GPATCH2: variants seen among roughly 807,000 people sequenced by gnomAD.
GPATCH2 encodes the protein G patch domain-containing protein 2.
A neutral mutation model predicts 58.0 loss-of-function variants in GPATCH2; 51 were observed. The ratio of observed to expected loss-of-function variants is 0.88; its 90% CI spans 0.70 to 1.11. The LOEUF is 1.11. Ranked by LOEUF, GPATCH2 falls within the 50% of genes most tolerant of loss-of-function variation. The pLI is 0.00. For missense variants in GPATCH2, 625 were observed against 652.2 expected (o/e 0.96, Z 0.45); for synonymous variants, 222 against 218.5 (o/e 1.02, Z -0.14).
At position 217,631,060 on chromosome 1, in the gene GPATCH2, A is replaced by G. The variant is rs1669739620; in HGVS notation, c.-89T>C. On this transcript the variant is annotated 5_prime_UTR_variant, in exon 1 of 10. Coordinates refer to ENST00000366935, the MANE Select transcript of GPATCH2 (RefSeq NM_018040.5). ...ACCGGCGACTTCCAAAGAGCAGTTC[A>G]GCATTTTGAGATGAGCTTCCGGAAG... 7.8e-7 allele frequency: 1 copy of G among 1,280,512 alleles called. No individual in the cohort carries two copies. Among genetic ancestry groups the G allele is most frequent in the Non-Finnish European group, 1.1e-6 (1 of 922,760 alleles). 79.3% of individuals were successfully genotyped at this position (1,280,512 alleles called of 1,614,324 possible).
chr1:217,431,723 T>C (rs77266783), intron 9 of GPATCH2, among the ~76,000 whole-genome samples: 76 of 152,328 alleles, frequency 5.0e-4, no homozygotes, highest in Non-Finnish European at 6.8e-4. Flanking sequence ...CATAAAGTAC[T>C]CTACTAATGG....
intron 5 of GPATCH2, among the ~76,000 whole-genome samples, chr1:217,565,750 C>T (rs1329843363): frequency 4.0e-5 from 5 of 124,550 alleles, no homozygotes; most frequent in Non-Finnish European, 5.6e-5. Flanking sequence ...ATAAATAAAA[C>T]GTATATAAAA....
rs1658385740 is a variant in GPATCH2, at chr1:217,427,713, G to C, written c.*3432C>G. On this transcript the variant is annotated 3_prime_UTR_variant, in exon 10 of 10. Transcript: ENST00000366935. ...AACAGTTTTAAAAAGCATGTCAACA[G>C]TGATTTTTTCTCTTTTCGGAAATAT... The C allele has an allele frequency of 6.6e-6, 1 of 152,148 alleles. No homozygotes were observed. The highest frequency in any genetic ancestry group is 1.5e-5 in the Non-Finnish European group (1 of 67,996). 9.4% of individuals were successfully genotyped at this position (152,148 alleles called of 1,614,324 possible).
At chr1:217,558,939 T>C (rs953814216) in intron 5 of GPATCH2, among the ~76,000 whole-genome samples, 8 of 152,152 alleles carry the variant, frequency 5.3e-5, no homozygotes, top group African/African-American at 1.9e-4. Flanking sequence ...GGGTCTACCA[T>C]ACTCACTAAT....
rs551210999 is a variant in GPATCH2 at position 217,534,041 on chromosome 1, C to T, written c.1099-19152G>A. Among the ~76,000 whole-genome samples, 11 of 152,066 alleles carry T rather than the reference C, an allele frequency of 7.2e-5. No individual in the cohort carries two copies. The South Asian group carries it at 2.3e-3, about 32-fold the overall frequency. On this transcript the variant is annotated intron_variant, in intron 5 of 9. Coordinates refer to ENST00000366935, the MANE Select transcript of GPATCH2 (RefSeq NM_018040.5). The stretch of plus-strand genomic sequence containing the variant: ...GACTAGCCTGGCCAACATGATGAAA[C>T]CCCACCTCTACTAAAAATACAAAAA...
intron 5 of GPATCH2, among the ~76,000 whole-genome samples, chr1:217,522,831 TACACAC>T (rs140850986): frequency 1.3e-5 from 2 of 149,332 alleles, no homozygotes; most frequent in Admixed American, 6.7e-5. Flanking sequence ...ACTTGTTCAA[TACACAC>T]ACACACACAC....
chr1:217,464,895 T>C (rs576927039), intron 8 of GPATCH2, among the ~76,000 whole-genome samples: 62 of 152,188 alleles, frequency 4.1e-4, no homozygotes, highest in Non-Finnish European at 1.5e-4. Context: ...AATAAGGTCC[T>C]TAGAGACCGT....
intron 5 of GPATCH2, among the ~76,000 whole-genome samples, chr1:217,605,711 G>A (rs1396349043): frequency 6.6e-6 from 1 of 152,142 alleles, no homozygotes; most frequent in African/African-American, 2.4e-5. Context: ...AAAAAGCTCT[G>A]ACCTACAAAA....
chr1:217,484,163 G>C (rs1661341021), intron 8 of GPATCH2, among the ~76,000 whole-genome samples: 1 of 152,104 alleles, frequency 6.6e-6, no homozygotes, highest in Non-Finnish European at 1.5e-5. Context: ...TTCCAGATGA[G>C]ATTAACATTT....
At chr1:217,448,421 T>C (rs1571716587) in intron 9 of GPATCH2, among the ~76,000 whole-genome samples, 2 of 152,108 alleles carry the variant, frequency 1.3e-5, no homozygotes, top group South Asian at 4.2e-4. Flanking sequence ...CACAAATCCA[T>C]TATGGCTAAC....
chr1:217,498,346 T>A lies in GPATCH2; in HGVS notation c.1206+10A>T. ...TGAGTAACTTCCTTTTGGATTACAA[T>A]GGTCCTTACCTGGTCATGCTCTGTC... On this transcript the variant is annotated intron_variant, in intron 7 of 9. Coordinates refer to ENST00000366935, the MANE Select transcript of GPATCH2 (RefSeq NM_018040.5). 6.2e-7 allele frequency: 1 copy of A among 1,605,340 alleles called. No individual in the cohort carries two copies. Among genetic ancestry groups the A allele is most frequent in the Non-Finnish European group, 8.5e-7 (1 of 1,171,944 alleles).
chr1:217,441,230 A>T (rs1659121884), intron 9 of GPATCH2, among the ~76,000 whole-genome samples: 1 of 152,190 alleles, frequency 6.6e-6, no homozygotes, highest in Non-Finnish European at 1.5e-5. Flanking sequence ...ATCTTTGACA[A>T]ACCTGAGAAA....
intron 5 of GPATCH2, among the ~76,000 whole-genome samples, chr1:217,565,088 T>C (rs1161008530): frequency 6.6e-6 from 1 of 152,168 alleles, no homozygotes; most frequent in East Asian, 1.9e-4. Flanking sequence ...CATTCAACTC[T>C]AAAAGGTAAT....
intron 3 of GPATCH2, among the ~76,000 whole-genome samples, chr1:217,612,205 AAG>A (rs1291745077): frequency 1.3e-5 from 2 of 151,968 alleles, no homozygotes; most frequent in Non-Finnish European, 2.9e-5. Context: ...GAGAAAAGAA[AAG>A]AAAAACAGAA....
intron 5 of GPATCH2, among the ~76,000 whole-genome samples, chr1:217,572,176 A>G (rs1274434193): frequency 6.6e-6 from 1 of 152,110 alleles, no homozygotes; most frequent in Non-Finnish European, 1.5e-5. Context: ...TACAGGCAAA[A>G]AGACTGAGGC....
At chr1:217,615,269 A>C (rs898126150) in intron 2 of GPATCH2, among the ~76,000 whole-genome samples, 2 of 152,098 alleles carry the variant, frequency 1.3e-5, no homozygotes, top group Non-Finnish European at 2.9e-5. Flanking sequence ...TTTCTTAAAA[A>C]ATAAATATTA....
intron 7 of GPATCH2, among the ~76,000 whole-genome samples, chr1:217,493,316 C>A (rs1225472598): frequency 6.6e-6 from 1 of 152,118 alleles, no homozygotes; most frequent in East Asian, 1.9e-4. Context: ...TCTCTAAATT[C>A]ATAATTTATT....
chr1:217,438,202 C>T (rs901151963), intron 9 of GPATCH2, among the ~76,000 whole-genome samples: 4 of 152,116 alleles, frequency 2.6e-5, no homozygotes, highest in Non-Finnish European at 4.4e-5. Context: ...ACAAAAATGA[C>T]GTCTGCACAG....
chr1:217,479,192 A>G (rs975602415), intron 8 of GPATCH2, among the ~76,000 whole-genome samples: 1 of 152,182 alleles, frequency 6.6e-6, no homozygotes, highest in Non-Finnish European at 1.5e-5. Context: ...ATCTAAAGGT[A>G]CAAAATTCAC....
Sources: allele counts gnomAD v4.1 joint callset (sites outside exome capture counted in the v4.1 genomes callset), GRCh38; gene constraint gnomAD v4.1.1; transcripts MANE v1.5; gene names NCBI Gene and HGNC (gene_info 2026-07-23, HGNC 2026-07-21).